Variants in LRRC18 observed in about 807,000 individuals in gnomAD.
LRRC18 encodes leucine rich repeat containing 18.
LRRC18 carries 12 observed loss-of-function variants against 11.2 expected under a neutral mutation model. The ratio of observed to expected loss-of-function variants is 1.07; its 90% CI spans 0.69 to 1.74. LRRC18 has a LOEUF of 1.74. Among genes scored for constraint, LRRC18 ranks in the 40% most tolerant of loss-of-function variants. The pLI, the probability that LRRC18 is intolerant of heterozygous loss-of-function variation, is 0.00. For synonymous variants in LRRC18, 155 were observed against 130.6 expected, an observed-to-expected ratio of 1.19 and a Z score of -1.27; for missense variants, 374 against 330.5, an observed-to-expected ratio of 1.13 and a Z score of -1.02.
At chr10:48,911,071 T>C (rs76454750) in intron 1 of LRRC18, 3,844 of 217,930 alleles carry the variant, frequency 0.018, 47 homozygotes, top group Middle Eastern at 0.041. Context: ...TCTATACCTT[T>C]TGGGTCAGAG....
the LRRC18 span, among the ~76,000 whole-genome samples, chr10:48,920,012 G>C: frequency 2.6e-5 from 4 of 151,910 alleles, no homozygotes; most frequent in African/African-American, 9.7e-5. Context: ...CCTCAACATA[G>C]TATTAGCAAA....
rs374519380 is a variant in LRRC18 at position 48,913,881 on chromosome 10, A to G, written c.275T>C (p.Ile92Thr). 4 of 1,614,030 alleles carry G rather than the reference A, an allele frequency of 2.5e-6. No individual in the cohort carries two copies. The highest frequency in any genetic ancestry group is 1.3e-5 in the African/African-American group (1 of 74,916). Residue 92 changes from isoleucine (I) to threonine (T), a missense_variant, in exon 1 of 2, where the codon ATT (isoleucine) becomes ACT (threonine). Coordinates refer to ENST00000374160, the Ensembl canonical transcript of LRRC18. ...GTAGAGCAGGCTGGTCATCTGGCCA[A>G]TGGACTCAGGCAGCTTGTCTATGTA...
the LRRC18 span, among the ~76,000 whole-genome samples, chr10:48,930,658 A>G: frequency 1.3e-5 from 2 of 152,230 alleles, no homozygotes; most frequent in Admixed American, 6.5e-5. Flanking sequence ...TTTGATAGAA[A>G]CATGCTTATG....
At chr10:48,918,794 A>T (rs1838782736), upstream of LRRC18, among the ~76,000 whole-genome samples, 1 of 152,200 alleles carries the variant, frequency 6.6e-6, no homozygotes, top group Admixed American at 6.5e-5. Context: ...TGCCTTGTAC[A>T]TTGTAGAATG....
the LRRC18 span, among the ~76,000 whole-genome samples, chr10:48,929,630 A>C: frequency 6.6e-6 from 1 of 152,208 alleles, no homozygotes; most frequent in African/African-American, 2.4e-5. Context: ...TCTATACACT[A>C]ACGATTGCCC....
chr10:48,910,351 A>C, intron 1 of LRRC18, 93 bp from the exon 4 acceptor site: 44 of 1,097,436 alleles, frequency 4.0e-5, no homozygotes, highest in Non-Finnish European at 5.2e-5. Flanking sequence ...CACCAAGGTC[A>C]TGCCTGACCT....
chr10:48,916,431 A>G (rs1358342687), upstream of LRRC18, among the ~76,000 whole-genome samples: 1 of 152,184 alleles, frequency 6.6e-6, no homozygotes, highest in East Asian at 1.9e-4. Context: ...GCCACCCTGT[A>G]TCCCTGGAGT....
chr10:48,937,275 A>G, the LRRC18 span, among the ~76,000 whole-genome samples: 2 of 152,096 alleles, frequency 1.3e-5, no homozygotes, highest in Admixed American at 1.3e-4. Context: ...ACTAATGCTC[A>G]TTTTTTACCA....
chr10:48,912,589 C>A (rs1056679398), intron 1 of LRRC18, among the ~76,000 whole-genome samples: 2 of 152,236 alleles, frequency 1.3e-5, no homozygotes, highest in African/African-American at 2.4e-5. Context: ...GCAAGCCAAG[C>A]TTTCCCCAAA....
chr10:48,909,991 T>G (rs1375167598), exon 2 of LRRC18: 2 of 528,730 alleles, frequency 3.8e-6, no homozygotes, highest in African/African-American at 3.8e-5. Flanking sequence ...TTCTTAAATT[T>G]TTTTCTATAT....
exon 1 of LRRC18, chr10:48,913,494 A>G (rs1488387361): frequency 1.9e-6 from 3 of 1,613,602 alleles, no homozygotes; most frequent in Non-Finnish European, 2.5e-6. Context: ...GATTCTATTC[A>G]GGTTGTCCCG....
chr10:48,926,672 A>T, the LRRC18 span, among the ~76,000 whole-genome samples: 11 of 152,226 alleles, frequency 7.2e-5, no homozygotes, highest in African/African-American at 2.7e-4. Flanking sequence ...TGTACCATAT[A>T]TATGTGGGTA....
chr10:48,933,885 C>T, the LRRC18 span, among the ~76,000 whole-genome samples: 1 of 152,054 alleles, frequency 6.6e-6, no homozygotes, highest in Non-Finnish European at 1.5e-5. Context: ...CCTGACATCA[C>T]CCTTGATACT....
At chr10:48,939,496 T>C in the LRRC18 span, among the ~76,000 whole-genome samples, 2 of 152,208 alleles carry the variant, frequency 1.3e-5, no homozygotes, top group Non-Finnish European at 2.9e-5. Context: ...GCCAGAGCTC[T>C]TTCTCAGGCT....
chr10:48,933,272 G>C, the LRRC18 span, among the ~76,000 whole-genome samples: 1 of 152,194 alleles, frequency 6.6e-6, no homozygotes, highest in Non-Finnish European at 1.5e-5. Context: ...CTTTTGCCCA[G>C]CACAAAGTCT....
At chr10:48,925,785 T>C in the LRRC18 span, among the ~76,000 whole-genome samples, 3 of 152,120 alleles carry the variant, frequency 2.0e-5, no homozygotes, top group African/African-American at 7.2e-5. Context: ...ATTTCTGACA[T>C]CAATTTTGGA....
the LRRC18 span, among the ~76,000 whole-genome samples, chr10:48,938,639 A>C: frequency 6.6e-6 from 1 of 152,232 alleles, no homozygotes; most frequent in Non-Finnish European, 1.5e-5. Context: ...ACTCAAGGGC[A>C]CTGATGCTGT....
the LRRC18 span, among the ~76,000 whole-genome samples, chr10:48,938,900 G>A: frequency 6.6e-6 from 1 of 152,188 alleles, no homozygotes; most frequent in Non-Finnish European, 1.5e-5. Flanking sequence ...GGGTTGATGT[G>A]ATGTCCCCTG....
the LRRC18 span, among the ~76,000 whole-genome samples, chr10:48,927,125 AC>A: frequency 2.3e-4 from 35 of 152,016 alleles, no homozygotes; most frequent in Admixed American, 2.0e-3. Context: ...TTTGATTTTT[AC>A]CGTGTGAGCT....
Sources: allele counts gnomAD v4.1 joint callset (sites outside exome capture counted in the v4.1 genomes callset), GRCh38; gene constraint gnomAD v4.1.1; transcripts MANE v1.5; gene names NCBI Gene and HGNC (gene_info 2026-07-23, HGNC 2026-07-21).